TXNDC12: variants seen among roughly 807,000 people sequenced by gnomAD.
The protein encoded by TXNDC12 is thioredoxin domain-containing protein 12.
A neutral mutation model predicts 24.2 loss-of-function variants in TXNDC12; 22 were observed. The ratio of observed to expected loss-of-function variants is 0.91; its 90% confidence interval spans 0.65 to 1.30. The LOEUF is 1.30. TXNDC12 is among the 50% of genes most tolerant of loss of function. The probability of loss-of-function intolerance (pLI) is 0.00; values close to 1 mark genes in which losing one functional copy is unlikely to be tolerated. For missense variants in TXNDC12, 184 were observed against 205.8 expected, an observed-to-expected ratio of 0.89 and a Z score of 0.65; for synonymous variants, 58 against 73.4, an observed-to-expected ratio of 0.79 and a Z score of 1.07.
intron 2 of TXNDC12, chr1:52,033,847 C>G (rs1222801710): frequency 2.1e-6 from 3 of 1,453,638 alleles, no homozygotes; most frequent in Non-Finnish European, 2.7e-6. Context: ...GTGCAAACTG[C>G]TCTTCCTGTC....
At chr1:52,027,841 TATTA>T (rs1685695818) in intron 3 of TXNDC12, among the ~76,000 whole-genome samples, 1 of 151,256 alleles carries the variant, frequency 6.6e-6, no homozygotes, top group African/African-American at 2.4e-5. Context: ...CTATTATTAT[TATTA>T]TTTTTGAGAC....
rs755160222 is a variant in TXNDC12 at position 52,054,989 on chromosome 1, C to G, written c.97+11G>C. 3 of 1,598,440 alleles carry G rather than the reference C, an allele frequency of 1.9e-6. No individual in the cohort carries two copies. Among genetic ancestry groups the G allele is most frequent in the Non-Finnish European group, 8.6e-7 (1 of 1,165,926 alleles). On this transcript the variant is annotated intron_variant, in intron 1 of 6. Transcript: ENST00000371626. The stretch of plus-strand genomic sequence containing the variant: ...AAGATCAGTAAAGAGAAGATAAGAA[C>G]GCGGTCTGACCCTTTCCAAGCCCAT...
At chr1:52,037,634 C>T (rs1484318318) in intron 2 of TXNDC12, among the ~76,000 whole-genome samples, 1 of 152,218 alleles carries the variant, frequency 6.6e-6, no homozygotes, top group Middle Eastern at 3.2e-3. Flanking sequence ...TTCCTGACTT[C>T]AGGGACAAAG....
chr1:52,031,223 G>A (rs1229362483), intron 2 of TXNDC12, among the ~76,000 whole-genome samples: 9 of 150,028 alleles, frequency 6.0e-5, no homozygotes, highest in Middle Eastern at 3.4e-3. Flanking sequence ...GCAGTGGCGC[G>A]ATCTCGGCTC....
rs1046606500 is a variant in TXNDC12, at chr1:52,052,583, C to T, written c.97+2417G>A. The T allele has an allele frequency of 2.4e-5, 4 of 166,642 alleles. No homozygotes were observed. The Admixed American group carries it at 2.6e-4, about 11-fold the overall frequency. 10.3% of individuals were successfully genotyped at this position (166,642 alleles called of 1,614,324 possible). ...CACATGGAGAGGTAACCAGCTTAGCCAAGGCCCCAGTCATCATAGAACAGG... is the reference window on the plus strand; with the variant it reads ...CACATGGAGAGGTAACCAGCTTAGCTAAGGCCCCAGTCATCATAGAACAGG... On this transcript the variant is annotated intron_variant, in intron 1 of 6. Transcript: ENST00000371626.
At chr1:52,022,107 T>C (rs776435467) in intron 6 of TXNDC12, among the ~76,000 whole-genome samples, 3 of 152,172 alleles carry the variant, frequency 2.0e-5, no homozygotes, top group Non-Finnish European at 4.4e-5. Context: ...CATGACATTC[T>C]CCTTACTCAG....
chr1:52,031,780 C>T (rs1685766081), intron 2 of TXNDC12, among the ~76,000 whole-genome samples: 1 of 152,226 alleles, frequency 6.6e-6, no homozygotes, highest in African/African-American at 2.4e-5. Context: ...CACCCGGCTT[C>T]TCACCACATA....
At chr1:52,022,644 T>G (rs1221369827) in intron 6 of TXNDC12, among the ~76,000 whole-genome samples, 6 of 145,370 alleles carry the variant, frequency 4.1e-5, no homozygotes, top group South Asian at 2.3e-4. Context: ...GGTTTTTTTT[T>G]TTTTTTTTTT....
chr1:52,046,275 G>T (rs1266194589), intron 1 of TXNDC12, among the ~76,000 whole-genome samples: 3 of 151,918 alleles, frequency 2.0e-5, no homozygotes, highest in African/African-American at 7.2e-5. Context: ...CAAGGCAAAA[G>T]CAAGGAGACT....
chr1:52,047,474 AG>A (rs1271630538), intron 1 of TXNDC12, among the ~76,000 whole-genome samples: 3 of 152,250 alleles, frequency 2.0e-5, no homozygotes, highest in Admixed American at 2.0e-4. Flanking sequence ...GACATATTTC[AG>A]GTAGGAAATG....
intron 1 of TXNDC12, among the ~76,000 whole-genome samples, chr1:52,045,115 G>A (rs1012660402): frequency 1.3e-5 from 2 of 152,164 alleles, no homozygotes; most frequent in African/African-American, 2.4e-5. Flanking sequence ...AAAAGACATT[G>A]AAGAACCTTA....
At chr1:52,033,557 G>A (rs148993656) in intron 2 of TXNDC12, 3 of 1,613,904 alleles carry the variant, frequency 1.9e-6, no homozygotes, top group Non-Finnish European at 2.5e-6. Context: ...CGACTCAGGC[G>A]CCGTTCCACG....
chr1:52,042,809 A>T (rs1686018989), intron 1 of TXNDC12, among the ~76,000 whole-genome samples: 1 of 152,128 alleles, frequency 6.6e-6, no homozygotes, highest in Admixed American at 6.5e-5. Flanking sequence ...TTTTGTAAAG[A>T]CAGGGTTTCT....
At chr1:52,034,094 G>C in intron 2 of TXNDC12, 3 of 1,245,378 alleles carry the variant, frequency 2.4e-6, no homozygotes, top group Non-Finnish European at 3.0e-6. Flanking sequence ...ACTATATTTA[G>C]CATATAGAAG....
chr1:52,052,099 C>T (rs898489016), intron 1 of TXNDC12, among the ~76,000 whole-genome samples: 4 of 152,162 alleles, frequency 2.6e-5, no homozygotes, highest in Non-Finnish European at 5.9e-5. Context: ...CTAAGCTGCC[C>T]TTCTATGTGC....
intron 1 of TXNDC12, among the ~76,000 whole-genome samples, chr1:52,047,830 A>C (rs72905995): frequency 0.023 from 3,482 of 152,318 alleles, 72 homozygotes; most frequent in African/African-American, 0.061. Context: ...ATTGAAATTA[A>C]ATGTTCTAAA....
chr1:52,038,433 C>A (rs766523348), intron 2 of TXNDC12, among the ~76,000 whole-genome samples: 4 of 152,012 alleles, frequency 2.6e-5, no homozygotes, highest in Non-Finnish European at 4.4e-5. Flanking sequence ...GCCTCAGCCT[C>A]CCAAGTAGCT....
At position 52,054,999 on chromosome 1, in the gene TXNDC12, C is replaced by A. The variant is rs1387955518; in HGVS notation, c.97+1G>T. On this transcript the variant is annotated splice_donor_variant, in intron 1 of 6. Transcript: ENST00000371626. LOFTEE classifies it high-confidence loss of function. ...AAGAGAAGATAAGAACGCGGTCTGA[C>A]CCTTTCCAAGCCCATTATGTCCATC... 6.2e-7 allele frequency: 1 copy of A among 1,611,934 alleles called. No homozygotes were observed. Among genetic ancestry groups the A allele is most frequent in the South Asian group, 1.1e-5 (1 of 91,042 alleles).
chr1:52,034,003 T>C (rs978055476), intron 2 of TXNDC12: 11 of 1,393,534 alleles, frequency 7.9e-6, no homozygotes, highest in African/African-American at 2.9e-5. Context: ...CTCAGGAGAA[T>C]GTGATCTTCC....
Sources: allele counts gnomAD v4.1 joint callset (sites outside exome capture counted in the v4.1 genomes callset), GRCh38; gene constraint gnomAD v4.1.1; transcripts MANE v1.5; gene names NCBI Gene and HGNC (gene_info 2026-07-23, HGNC 2026-07-21).